Variants in ABHD4 observed in about 807,000 individuals in gnomAD.
The protein encoded by ABHD4 is abhydrolase domain containing 4, N-acyl phospholipase B.
Under a neutral mutation model 42.3 loss-of-function variants are expected in ABHD4, and 35 were observed. The observed-to-expected ratio is 0.83, with a 90% CI of 0.63 to 1.10. ABHD4 has a LOEUF of 1.10. ABHD4 is among the 50% of genes least tolerant of loss of function. ABHD4 has a pLI of 0.00. For missense variants in ABHD4, 389 were observed against 454.8 expected (o/e 0.86, Z 1.32); for synonymous variants, 169 against 170.6 (o/e 0.99, Z 0.07).
intron 1 of ABHD4, among the ~76,000 whole-genome samples, chr14:22,601,347 A>G (rs1404718346): frequency 3.3e-5 from 5 of 152,256 alleles, no homozygotes; most frequent in Non-Finnish European, 5.9e-5. Context: ...CTCCTTGAAC[A>G]TAAATTATGA....
Position 22,609,802 on chromosome 14 carries a change from T to TA in ABHD4, c.831_832insA (p.Arg278ThrfsTer39). On this transcript the variant is annotated frameshift_variant, in exon 6 of 7. Coordinates refer to ENST00000428304, the MANE Select transcript of ABHD4 (RefSeq NM_022060.3). LOFTEE classifies it high-confidence loss of function. The stretch of plus-strand genomic sequence containing the variant: ...CTATGCTGGAGCGAATTCACTTGAT[T>TA]CGAAAAGATGTGCCTATCACTATGA... The TA allele has an allele frequency of 6.2e-7, 1 of 1,614,150 alleles. No homozygotes were observed. The highest frequency in any genetic ancestry group is 8.5e-7 in the Non-Finnish European group (1 of 1,180,032).
intron 1 of ABHD4, chr14:22,598,536 GCGCT>G (rs1313362047): frequency 7.0e-7 from 1 of 1,434,954 alleles, no homozygotes; most frequent in Non-Finnish European, 9.5e-7. Flanking sequence ...CATGGGAGAC[GCGCT>G]CGCCCGCAGC....
intron 5 of ABHD4, among the ~76,000 whole-genome samples, chr14:22,608,571 T>A (rs1487291570): frequency 6.6e-6 from 1 of 152,244 alleles, no homozygotes; most frequent in Non-Finnish European, 1.5e-5. Flanking sequence ...GTACTCACTT[T>A]TAAGCGTTCA....
Position 22,598,825 on chromosome 14 carries a change from G to T in ABHD4, c.23+496G>T, listed in dbSNP as rs145324666. ...GAAATTGGTGTGGAACAACGGGCTTGCAAGTTTCTTTAGCTGTCGCCCACC... is the reference window on the plus strand; with the variant it reads ...GAAATTGGTGTGGAACAACGGGCTTTCAAGTTTCTTTAGCTGTCGCCCACC... On this transcript the variant is annotated intron_variant, in intron 1 of 6. Coordinates refer to ENST00000428304, the MANE Select transcript of ABHD4 (RefSeq NM_022060.3). 544 of 202,012 alleles carry T rather than the reference G, an allele frequency of 2.7e-3. 7 individuals are homozygous for T. Among genetic ancestry groups the T allele is most frequent in the African/African-American group, 0.012 (502 of 42,482 alleles). The allele number at this position is 202,012 out of a possible 1,614,324, so 12.5% of individuals were successfully genotyped here. A position where few individuals can be genotyped will look rare whatever the true frequency, so the allele number is the denominator to read the frequency against.
In ABHD4 at chr14:22,612,594, A is replaced by C. The variant is rs549015325; in HGVS notation, c.*1646A>C. 11 of 152,422 alleles carry C rather than the reference A, an allele frequency of 7.2e-5. No individual in the cohort carries two copies. Among genetic ancestry groups the C allele is most frequent in the African/African-American group, 2.6e-4 (11 of 41,582 alleles). 9.4% of individuals were successfully genotyped at this position (152,422 alleles called of 1,614,324 possible). On this transcript the variant is annotated 3_prime_UTR_variant, in exon 7 of 7. Coordinates refer to ENST00000428304, the MANE Select transcript of ABHD4 (RefSeq NM_022060.3). ...TCGAGATCCACAGTGTGGATGGGGC[A>C]AGCCCCAGTTCACAGTAGAGAGGTG...
chr14:22,598,464 G>T (rs541835207), intron 1 of ABHD4, 135 bp downstream of exon 1: 1 of 1,538,888 alleles, frequency 6.5e-7, no homozygotes, highest in African/African-American at 1.4e-5. Flanking sequence ...GGGAGGGCGG[G>T]GGGTGGGTGC....
intron 1 of ABHD4, 197 bp downstream of exon 1, chr14:22,598,526 C>T (rs2037244674): frequency 6.7e-7 from 1 of 1,488,750 alleles, no homozygotes; most frequent in Non-Finnish European, 9.0e-7. Flanking sequence ...CCTGGGGAGC[C>T]ATGGGAGACG....
intron 1 of ABHD4, chr14:22,600,267 A>G (rs2037266683): frequency 2.2e-6 from 1 of 445,244 alleles, no homozygotes; most frequent in African/African-American, 2.0e-5. Context: ...AAACAGACAT[A>G]AATGTAAAAA....
At chr14:22,603,245 G>A (rs989309630) in intron 2 of ABHD4, 145 bp from the exon 3 acceptor site, 4 of 1,030,896 alleles carry the variant, frequency 3.9e-6, no homozygotes, top group Non-Finnish European at 1.4e-6. Flanking sequence ...TGTTTTCAGT[G>A]GTCAGAGGGT....
chr14:22,598,421 C>T (rs1417959210), intron 1 of ABHD4, 92 bp downstream of exon 1: 67 of 1,549,458 alleles, frequency 4.3e-5, no homozygotes, highest in Non-Finnish European at 5.5e-5. Flanking sequence ...TTGTAGACAC[C>T]TTCCCGCTCT....
rs1247118470 is a variant in ABHD4 at position 22,612,960 on chromosome 14, G to C, written c.*2012G>C. 1 of 152,170 alleles carries C rather than the reference G, an allele frequency of 6.6e-6. No homozygotes were observed. Among genetic ancestry groups the C allele is most frequent in the Admixed American group, 6.6e-5 (1 of 15,264 alleles). The allele number at this position is 152,170 out of a possible 1,614,324, so 9.4% of individuals were successfully genotyped here. On this transcript the variant is annotated 3_prime_UTR_variant, in exon 7 of 7. Transcript: ENST00000428304. ...TTCAATAAATGTTTGTTTTCATCATGCCACGGGAAGTGAGATATACCAAGT... is the reference window on the plus strand; with the variant it reads ...TTCAATAAATGTTTGTTTTCATCATCCCACGGGAAGTGAGATATACCAAGT...
intron 1 of ABHD4, 90 bp downstream of exon 1, chr14:22,598,419 A>T (rs1486207887): frequency 6.5e-7 from 1 of 1,539,190 alleles, no homozygotes; most frequent in East Asian, 2.5e-5. Flanking sequence ...AGTTGTAGAC[A>T]CCTTCCCGCT....
Position 22,603,918 on chromosome 14 carries a change from A to G in ABHD4, c.486-7A>G. ...TGTGTCTTCTCCTCTTTCCGCCTTT[A>G]ACATAGAGTTAAACACCTCATCCTG... On this transcript the variant is annotated splice_region_variant and splice_polypyrimidine_tract_variant and intron_variant, in intron 3 of 6. Coordinates refer to ENST00000428304, the MANE Select transcript of ABHD4 (RefSeq NM_022060.3). 2.5e-6 allele frequency: 4 copies of G among 1,613,790 alleles called. No homozygotes were observed. The highest frequency in any genetic ancestry group is 3.4e-6 in the Non-Finnish European group (4 of 1,179,712).
At chr14:22,599,009 G>A (rs929588914) in intron 1 of ABHD4, 2 of 152,618 alleles carry the variant, frequency 1.3e-5, no homozygotes, top group African/African-American at 4.8e-5. Flanking sequence ...GTGACTAGCA[G>A]TTCGCAATCT....
rs1222658742 is a variant in ABHD4, at chr14:22,604,661, G to A, written c.640+582G>A. Among the ~76,000 whole-genome samples, 8 of 152,170 alleles carry A rather than the reference G, an allele frequency of 5.3e-5. No individual in the cohort carries two copies. In the South Asian group the frequency reaches 1.7e-3, roughly 32 times the overall value. On this transcript the variant is annotated intron_variant, in intron 4 of 6. Coordinates refer to ENST00000428304, the MANE Select transcript of ABHD4 (RefSeq NM_022060.3). ...GTCTCACTCTATCTCCCAGGCTGAT[G>A]TGCAGTGGTGTGATCTCAGCTCACT... is the stretch of plus-strand genomic sequence containing the variant.
chr14:22,605,960 A>G, intron 4 of ABHD4: 2 of 635,226 alleles, frequency 3.1e-6, no homozygotes, highest in Non-Finnish European at 2.5e-6. Flanking sequence ...CTCTCCACAT[A>G]TTCTAATACA....
At position 22,608,727 on chromosome 14, in the gene ABHD4, G is replaced by A. The variant is rs370810073; in HGVS notation, c.753-997G>A. ...TGTTTGTTTGTTTGTTTTTGAGATGGAGGTTTGCTCATTGCCCAGGCTGGA... is the reference window on the plus strand; with the variant it reads ...TGTTTGTTTGTTTGTTTTTGAGATGAAGGTTTGCTCATTGCCCAGGCTGGA... On this transcript the variant is annotated intron_variant, in intron 5 of 6. Transcript: ENST00000428304. Among the ~76,000 whole-genome samples the A allele has an allele frequency of 1.3e-3, 204 of 152,210 alleles. 2 individuals carry two copies. The South Asian group carries it at 0.019, about 15-fold the overall frequency.
chr14:22,601,646 G>T (rs1339504249), intron 1 of ABHD4, 21 bp from the exon 2 acceptor site: 1 of 1,609,550 alleles, frequency 6.2e-7, no homozygotes, highest in Non-Finnish European at 8.5e-7. Context: ...GCCAATGAGT[G>T]TCTCTGTCTC....
At chr14:22,600,294 G>A (rs528443795) in intron 1 of ABHD4, 1 of 428,460 alleles carries the variant, frequency 2.3e-6, no homozygotes, top group African/African-American at 2.0e-5. Flanking sequence ...TATGTTCTGT[G>A]AATATTTGTA....
Sources: gnomAD v4.1 joint callset for allele counts (sites outside exome capture counted in the v4.1 genomes callset) on GRCh38, gnomAD v4.1.1 for gene constraint, MANE v1.5 for transcripts, NCBI Gene and HGNC (gene_info 2026-07-23, HGNC 2026-07-21) for gene names.